The following VSTM2L variants were observed in gnomAD, a reference collection of about 807,000 sequenced individuals.
VSTM2L encodes the protein V-set and transmembrane domain containing 2 like, also known as V-set and transmembrane domain-containing protein 2-like protein.
Under a neutral mutation model 19.9 loss-of-function variants are expected in VSTM2L, and 9 were observed. The ratio of observed to expected loss-of-function variants is 0.45; its 90% CI spans 0.27 to 0.79. The LOEUF (loss-of-function observed/expected upper bound fraction) is 0.79. Among genes scored for constraint, VSTM2L ranks in the 30% least tolerant of loss-of-function variants. The pLI is 0.15. For missense variants in VSTM2L, 286 were observed against 295.5 expected (o/e 0.97, Z 0.24); for synonymous variants, 127 against 133.8 (o/e 0.95, Z 0.35).
In VSTM2L at chr20:37,903,290, G is replaced by A. The variant is rs2072731539; in HGVS notation, c.-61G>A. 4 of 1,332,180 alleles carry A rather than the reference G, an allele frequency of 3.0e-6. No homozygotes were observed. The highest frequency in any genetic ancestry group is 3.8e-5 in the South Asian group (2 of 52,358). The allele number at this position is 1,332,180 out of a possible 1,614,324, so 82.5% of individuals were successfully genotyped here. A position where few individuals can be genotyped will look rare whatever the true frequency, so the allele number is the denominator to read the frequency against. ...CTCAGGGCAGGGGACAGCTGGCGCCGGTTCTGCGGTCTCCGGGGCCCAGAT... is the reference window on the plus strand; with the variant it reads ...CTCAGGGCAGGGGACAGCTGGCGCCAGTTCTGCGGTCTCCGGGGCCCAGAT... On this transcript the variant is annotated 5_prime_UTR_variant, in exon 1 of 4. Coordinates refer to ENST00000373461, the MANE Select transcript of VSTM2L (RefSeq NM_080607.3).
Position 37,903,486 on chromosome 20 carries a change from C to T in VSTM2L, c.121+15C>T, listed in dbSNP as rs369113624. The T allele has an allele frequency of 2.2e-5, 33 of 1,466,966 alleles. No individual in the cohort carries two copies. Among genetic ancestry groups the T allele is most frequent in the East Asian group, 2.1e-4 (7 of 33,006 alleles). The allele number at this position is 1,466,966 out of a possible 1,614,324, so 90.9% of individuals were successfully genotyped here. ...CTCCGGCCACGGTGAGTTCGGTCGC[C>T]GCCCCCGCGGACTTCCCCACCAAAC... On this transcript the variant is annotated intron_variant, in intron 1 of 3. Transcript: ENST00000373461.
chr20:37,944,195 C>A lies in VSTM2L; in HGVS notation c.557C>A (p.Pro186His), dbSNP rs181889764. The change falls in exon 4 of 4, where the codon CCC becomes CAC. Residue 186 changes from proline (P) to histidine (H), a missense_variant. By Grantham distance (77) the Pro-to-His change is moderately conservative (BLOSUM62 -2). Transcript: ENST00000373461. ...APPAAPAPPP[P>H]KPGKELRKRS... ...CCCGCCGCGCCCGCCCCGCCGCCCC[C>A]CAAGCCAGGCAAGGAGCTGAGGAAG... The A allele has an allele frequency of 5.2e-4, 808 of 1,541,352 alleles. 2 individuals are homozygous for A. The African/African-American group carries it at 9.7e-3, about 19-fold the overall frequency.
intron 1 of VSTM2L, among the ~76,000 whole-genome samples, chr20:37,916,661 A>C (rs955981141): frequency 3.3e-5 from 5 of 152,234 alleles, no homozygotes; most frequent in South Asian, 2.1e-4. Context: ...ATCTGTAAGA[A>C]GAGGACAATG....
chr20:37,935,329 G>A (rs1440008644), intron 3 of VSTM2L, among the ~76,000 whole-genome samples: 2 of 152,174 alleles, frequency 1.3e-5, no homozygotes, highest in South Asian at 2.1e-4. Flanking sequence ...TGCAGACAGC[G>A]CCACAAGAAA....
At chr20:37,931,110 G>C (rs937732031) in intron 1 of VSTM2L, among the ~76,000 whole-genome samples, 13 of 152,326 alleles carry the variant, frequency 8.5e-5, no homozygotes, top group Admixed American at 8.5e-4. Flanking sequence ...GGAAGCCAGG[G>C]GAATGGGTGC....
At chr20:37,905,708 G>T (rs555892827) in intron 1 of VSTM2L, among the ~76,000 whole-genome samples, 2 of 152,146 alleles carry the variant, frequency 1.3e-5, no homozygotes, top group Non-Finnish European at 2.9e-5. Flanking sequence ...ACATTGCCAG[G>T]TTCAAAGTCA....
At chr20:37,906,566 G>A (rs970527168) in intron 1 of VSTM2L, among the ~76,000 whole-genome samples, 1 of 152,246 alleles carries the variant, frequency 6.6e-6, no homozygotes, top group Non-Finnish European at 1.5e-5. Flanking sequence ...TTCATGCAAG[G>A]TTGGTGTTGG....
chr20:37,923,416 C>T (rs2072863153), intron 1 of VSTM2L, among the ~76,000 whole-genome samples: 1 of 152,190 alleles, frequency 6.6e-6, no homozygotes, highest in Non-Finnish European at 1.5e-5. Context: ...TACATCGCAC[C>T]CCCAATTAAA....
chr20:37,904,251 G>A (rs1194051084), intron 1 of VSTM2L, among the ~76,000 whole-genome samples: 2 of 152,256 alleles, frequency 1.3e-5, no homozygotes, highest in Non-Finnish European at 2.9e-5. Flanking sequence ...GGGAGTGGGA[G>A]TGGAAGTGGA....
intron 3 of VSTM2L, among the ~76,000 whole-genome samples, chr20:37,943,543 T>C (rs2072986170): frequency 6.6e-6 from 1 of 151,826 alleles, no homozygotes; most frequent in African/African-American, 2.4e-5. Context: ...GGTCTACCAC[T>C]GCTGTGAGGA....
At chr20:37,912,875 G>T (rs1048215411) in intron 1 of VSTM2L, among the ~76,000 whole-genome samples, 2 of 151,758 alleles carry the variant, frequency 1.3e-5, no homozygotes, top group African/African-American at 4.8e-5. Context: ...TCTCTCTCTG[G>T]GTCTCTCTGA....
rs1406112006 is a variant in VSTM2L, at chr20:37,944,123, G to A, written c.485G>A (p.Arg162Gln). 26 of 1,611,430 alleles carry A rather than the reference G, an allele frequency of 1.6e-5. No individual in the cohort carries two copies. The highest frequency in any genetic ancestry group is 3.3e-4 in the Middle Eastern group (2 of 6,040). Residue 162 changes from arginine to glutamine, a missense_variant, in exon 4 of 4, where the codon CGG (arginine) becomes CAG (glutamine). Coordinates refer to ENST00000373461, the MANE Select transcript of VSTM2L (RefSeq NM_080607.3). ...CACCACAAGGTCAAGGCCTACCTGC[G>A]GGTGCAGCCAGGGGAGAACTCCGTC... The part of the protein sequence containing the change: ...ARHHKVKAYL[R>Q]VQPGENSVLH...
chr20:37,941,747 T>C (rs1371278237), intron 3 of VSTM2L, among the ~76,000 whole-genome samples: 1 of 151,218 alleles, frequency 6.6e-6, no homozygotes, highest in Non-Finnish European at 1.5e-5. Context: ...AGGGGGTCAG[T>C]GGCTGGCAGC....
At chr20:37,908,407 C>T (rs2122933221) in intron 1 of VSTM2L, among the ~76,000 whole-genome samples, 1 of 152,318 alleles carries the variant, frequency 6.6e-6, no homozygotes, top group Middle Eastern at 3.4e-3. Flanking sequence ...TCGTCCCAAG[C>T]CTCTCTCTTA....
At chr20:37,943,954 AGG>A in intron 3 of VSTM2L, 25 bp from the exon 4 acceptor site, 2 of 858,772 alleles carry the variant, frequency 2.3e-6, no homozygotes, top group South Asian at 5.1e-5. Flanking sequence ...CTGGATGGAC[AGG>A]TCACGGTCTC....
intron 1 of VSTM2L, among the ~76,000 whole-genome samples, chr20:37,905,481 C>A (rs1271905531): frequency 1.3e-5 from 2 of 152,208 alleles, no homozygotes; most frequent in Non-Finnish European, 2.9e-5. Flanking sequence ...TCTGCCCAAC[C>A]AGCTGTAATC....
chr20:37,940,515 G>C (rs2072966011), intron 3 of VSTM2L, among the ~76,000 whole-genome samples: 2 of 152,256 alleles, frequency 1.3e-5, no homozygotes, highest in South Asian at 4.1e-4. Flanking sequence ...CAGCACTGGT[G>C]GCCCTCGGTG....
At chr20:37,907,653 C>CCA (rs139693205) in intron 1 of VSTM2L, among the ~76,000 whole-genome samples, 1 of 151,230 alleles carries the variant, frequency 6.6e-6, no homozygotes, top group Non-Finnish European at 1.5e-5. Context: ...CCCCACCCTG[C>CCA]CACACACACA....
intron 3 of VSTM2L, among the ~76,000 whole-genome samples, chr20:37,936,248 G>A (rs73905507): frequency 6.6e-6 from 1 of 152,002 alleles, no homozygotes; most frequent in East Asian, 1.9e-4. Flanking sequence ...TGACGTGAAC[G>A]AGTGAAAGAG....
Sources: allele counts gnomAD v4.1 joint callset (sites outside exome capture counted in the v4.1 genomes callset), GRCh38; gene constraint gnomAD v4.1.1; transcripts MANE v1.5; gene names NCBI Gene and HGNC (gene_info 2026-07-23, HGNC 2026-07-21).